The following PRKCE variants were observed in gnomAD, a reference collection of about 807,000 sequenced individuals.
PRKCE encodes protein kinase C epsilon type.
In PRKCE, 16 loss-of-function variants were observed where a neutral mutation model predicts 85.4. The ratio of observed to expected loss-of-function variants is 0.19; its 90% CI spans 0.13 to 0.28. PRKCE has a LOEUF of 0.28. Among genes scored for constraint, PRKCE ranks in the 10% least tolerant of loss-of-function variants. The pLI, the probability that PRKCE is intolerant of heterozygous loss-of-function variation, is 1.00. For synonymous variants in PRKCE, 388 were observed against 371.5 expected (o/e 1.04, Z -0.51); for missense variants, 573 against 975.2 (o/e 0.59, Z 5.49).
intron 11 of PRKCE, among the ~76,000 whole-genome samples, chr2:46,096,105 G>GGA (rs1259373593): frequency 1.3e-5 from 2 of 152,176 alleles, no homozygotes; most frequent in African/African-American, 4.8e-5. Context: ...ATTGTATGTT[G>GGA]GAGACAGCAC....
rs1269008711 is a variant in PRKCE at position 45,816,811 on chromosome 2, C to T, written c.349-26189C>T. On this transcript the variant is annotated intron_variant, in intron 1 of 14. Transcript: ENST00000306156. ...GATATTCCTGTCCATCCTCCCTCCC[C>T]CTAATTGTTAGAGGTGAGCTGGCCC... Among the ~76,000 whole-genome samples, 6 of 152,180 alleles carry T rather than the reference C, an allele frequency of 3.9e-5. No homozygotes were observed. The East Asian group carries it at 7.7e-4, about 20-fold the overall frequency.
chr2:46,150,965 C>T (rs1037307047), intron 12 of PRKCE, 76 bp from the exon 13 acceptor site: 49 of 1,378,138 alleles, frequency 3.6e-5, no homozygotes, highest in African/African-American at 5.7e-5. Context: ...AAGTCCTTCC[C>T]ATGGGCGTTC....
intron 2 of PRKCE, among the ~76,000 whole-genome samples, chr2:45,869,295 T>C (rs1693883419): frequency 6.6e-6 from 1 of 152,246 alleles, no homozygotes; most frequent in Non-Finnish European, 1.5e-5. Context: ...ATTATCCTTA[T>C]GACCAAGATA....
At chr2:46,038,746 C>T (rs1342697216) in intron 10 of PRKCE, among the ~76,000 whole-genome samples, 1 of 150,422 alleles carries the variant, frequency 6.6e-6, no homozygotes, top group Non-Finnish European at 1.5e-5. Flanking sequence ...TATTCCATTA[C>T]ATCAAGCATC....
intron 1 of PRKCE, among the ~76,000 whole-genome samples, chr2:45,820,972 G>T (rs904328085): frequency 6.6e-6 from 1 of 151,482 alleles, no homozygotes; most frequent in Non-Finnish European, 1.5e-5. Flanking sequence ...AAACTTGTTT[G>T]GGTCTGGCGA....
At chr2:46,173,331 A>G (rs1167871862) in intron 14 of PRKCE, among the ~76,000 whole-genome samples, 1 of 152,216 alleles carries the variant, frequency 6.6e-6, no homozygotes, top group African/African-American at 2.4e-5. Context: ...CAGAGACCAT[A>G]TGGCTCACCA....
chr2:46,113,845 C>T (rs929323476), intron 11 of PRKCE, among the ~76,000 whole-genome samples: 6 of 152,180 alleles, frequency 3.9e-5, no homozygotes, highest in Non-Finnish European at 8.8e-5. Flanking sequence ...GACTCCTGAA[C>T]GAGGACCAGC....
At chr2:45,939,779 T>G (rs1399732752) in intron 2 of PRKCE, among the ~76,000 whole-genome samples, 1 of 152,190 alleles carries the variant, frequency 6.6e-6, no homozygotes, top group Non-Finnish European at 1.5e-5. Flanking sequence ...GGTCTTGATC[T>G]CTTGACCTCA....
intron 6 of PRKCE, among the ~76,000 whole-genome samples, chr2:45,996,362 C>G (rs1205206835): frequency 6.6e-6 from 1 of 151,770 alleles, no homozygotes; most frequent in Non-Finnish European, 1.5e-5. Context: ...ATTTCTTTTT[C>G]TTGTCTTACT....
At position 45,651,783 on chromosome 2, in the gene PRKCE, C is replaced by G. The variant is rs1490947761; in HGVS notation, c.-318C>G. The stretch of plus-strand genomic sequence containing the variant: ...CAGCGAGGCGGCGAGGCAGCCCCCG[C>G]GGCTTGCAGCGGAGCCGACAGCTCG... On this transcript the variant is annotated 5_prime_UTR_variant, in exon 1 of 15. Coordinates refer to ENST00000306156, the MANE Select transcript of PRKCE (RefSeq NM_005400.3). 6 of 227,572 alleles carry G rather than the reference C, an allele frequency of 2.6e-5. No homozygotes were observed. The highest frequency in any genetic ancestry group is 4.3e-5 in the Non-Finnish European group (5 of 116,384). 14.1% of individuals were successfully genotyped at this position (227,572 alleles called of 1,614,324 possible).
chr2:45,655,082 C>A (rs535980475), intron 1 of PRKCE, among the ~76,000 whole-genome samples: 1 of 152,306 alleles, frequency 6.6e-6, no homozygotes, highest in Non-Finnish European at 1.5e-5. Flanking sequence ...CGAATTCTGC[C>A]GCACTTTGAA....
At chr2:46,130,809 G>C (rs887534781) in intron 11 of PRKCE, among the ~76,000 whole-genome samples, 3 of 152,220 alleles carry the variant, frequency 2.0e-5, no homozygotes, top group African/African-American at 7.2e-5. Flanking sequence ...AGTGCTGCTT[G>C]TTTTGGACCC....
intron 1 of PRKCE, among the ~76,000 whole-genome samples, chr2:45,819,009 C>T (rs1689307837): frequency 1.3e-5 from 2 of 152,178 alleles, no homozygotes; most frequent in South Asian, 4.2e-4. Context: ...GGATTTGGGG[C>T]GTGGAGCCTC....
chr2:46,126,008 C>T (rs1673812070), intron 11 of PRKCE, among the ~76,000 whole-genome samples: 1 of 152,190 alleles, frequency 6.6e-6, no homozygotes, highest in African/African-American at 2.4e-5. Context: ...AAGCCAGAGC[C>T]CTAATACTCC....
intron 10 of PRKCE, among the ~76,000 whole-genome samples, chr2:46,064,785 C>G (rs1558412657): frequency 6.6e-6 from 1 of 152,168 alleles, no homozygotes; most frequent in Non-Finnish European, 1.5e-5. Context: ...CTCTTGGGCT[C>G]TTTCTGGGGG....
chr2:45,780,220 G>T (rs1380628244), intron 1 of PRKCE, among the ~76,000 whole-genome samples: 1 of 152,140 alleles, frequency 6.6e-6, no homozygotes, highest in Non-Finnish European at 1.5e-5. Context: ...ATTCAAATAA[G>T]GTCTATACGT....
chr2:46,004,237 G>A lies in PRKCE; in HGVS notation c.967-305G>A, dbSNP rs934439225. ...CGAACTACTTCATCCTTTTGGATGG[G>A]GTTGGATCAAACATTGTACCTCTGT... is the stretch of plus-strand genomic sequence containing the variant. On this transcript the variant is annotated intron_variant, in intron 7 of 14. Coordinates refer to ENST00000306156, the MANE Select transcript of PRKCE (RefSeq NM_005400.3). This position sits in a 1 kb window ranked among gnomAD's most constrained non-coding sequence, Gnocchi z 4.1. 2.7e-6 allele frequency: 1 copy of A among 367,252 alleles called. No homozygotes were observed. The highest frequency in any genetic ancestry group is 5.3e-6 in the Non-Finnish European group (1 of 189,104). 22.7% of individuals were successfully genotyped at this position (367,252 alleles called of 1,614,324 possible).
At chr2:46,011,998 A>G (rs750092475) in intron 10 of PRKCE, among the ~76,000 whole-genome samples, 9 of 152,210 alleles carry the variant, frequency 5.9e-5, no homozygotes, top group Non-Finnish European at 4.4e-5. Context: ...TTTTCTGCAC[A>G]AGTATAAGAA....
At chr2:45,920,521 G>A (rs1343777725) in intron 2 of PRKCE, among the ~76,000 whole-genome samples, 2 of 152,182 alleles carry the variant, frequency 1.3e-5, no homozygotes, top group Non-Finnish European at 2.9e-5. Flanking sequence ...GTCAACTGCT[G>A]AATGGATAAA....
Sources: gnomAD v4.1 joint callset for allele counts (sites outside exome capture counted in the v4.1 genomes callset) on GRCh38, gnomAD v4.1.1 for gene constraint, Gnocchi (gnomAD v3.1) non-coding constraint, MANE v1.5 for transcripts, NCBI Gene and HGNC (gene_info 2026-07-23, HGNC 2026-07-21) for gene names.